ATP8A2: variants seen among roughly 807,000 people sequenced by gnomAD.
ATP8A2 encodes ATPase phospholipid transporting 8A2, also known as phospholipid-transporting ATPase IB.
ATP8A2 carries 100 observed loss-of-function variants against 165.6 expected under a neutral mutation model. The ratio of observed to expected loss-of-function variants is 0.60; its 90% confidence interval spans 0.51 to 0.71. The LOEUF (loss-of-function observed/expected upper bound fraction) is 0.71. Ranked by LOEUF, ATP8A2 falls within the 30% of genes least tolerant of loss-of-function variation. The pLI is 0.00. For synonymous variants in ATP8A2, 543 were observed against 548.8 expected (o/e 0.99, Z 0.15); for missense variants, 1,227 against 1,479.5 (o/e 0.83, Z 2.80).
chr13:25,984,349 A>T (rs1956230807), intron 35 of ATP8A2, among the ~76,000 whole-genome samples: 1 of 152,146 alleles, frequency 6.6e-6, no homozygotes, highest in Non-Finnish European at 1.5e-5. Context: ...CATGCCTGTA[A>T]TTCCAGCACT....
intron 33 of ATP8A2, among the ~76,000 whole-genome samples, chr13:25,930,814 A>G (rs1954751811): frequency 6.6e-6 from 1 of 152,098 alleles, no homozygotes; most frequent in African/African-American, 2.4e-5. Flanking sequence ...CCCAGCTGCC[A>G]TGCATGGGCC....
chr13:25,529,385 A>C (rs925446088), intron 2 of ATP8A2, among the ~76,000 whole-genome samples: 1 of 152,228 alleles, frequency 6.6e-6, no homozygotes, highest in Non-Finnish European at 1.5e-5. Flanking sequence ...TAAAATACTA[A>C]GCAAAGCATT....
At chr13:25,474,102 A>G (rs1351830286) in intron 2 of ATP8A2, among the ~76,000 whole-genome samples, 1 of 152,222 alleles carries the variant, frequency 6.6e-6, no homozygotes, top group East Asian at 1.9e-4. Context: ...TGACTCATTC[A>G]TTTCAGGTGG....
At chr13:25,838,805 T>A (rs2138656209) in intron 29 of ATP8A2, among the ~76,000 whole-genome samples, 1 of 152,266 alleles carries the variant, frequency 6.6e-6, no homozygotes, top group East Asian at 1.9e-4. Flanking sequence ...ATAGCTCTGG[T>A]CTACAGCTCC....
At chr13:25,393,958 T>C (rs2033335627) in intron 1 of ATP8A2, among the ~76,000 whole-genome samples, 1 of 152,218 alleles carries the variant, frequency 6.6e-6, no homozygotes, top group African/African-American at 2.4e-5. Context: ...CAAGACTCAG[T>C]GTAGTAACCT....
At chr13:25,718,690 G>A (rs902159022) in intron 25 of ATP8A2, among the ~76,000 whole-genome samples, 1 of 152,246 alleles carries the variant, frequency 6.6e-6, no homozygotes, top group South Asian at 2.1e-4. Flanking sequence ...GTGAATCACA[G>A]AAAGGAAATT....
rs554989199 is a variant in ATP8A2, at chr13:25,896,137, T to G, written c.3183+33729T>G. Among the ~76,000 whole-genome samples the G allele has an allele frequency of 1.3e-4, 20 of 152,374 alleles. 1 individual carries two copies. The South Asian group carries it at 3.7e-3, about 28-fold the overall frequency. On this transcript the variant is annotated intron_variant, in intron 33 of 36. Coordinates refer to ENST00000381655, the MANE Select transcript of ATP8A2 (RefSeq NM_016529.6). Reference sequence around the variant, plus strand: ...TAATTGTAATGTTAGGGTGTCAATTTTAGATCTTTCCTGCTTTCTCTTGTG... The same window carrying G: ...TAATTGTAATGTTAGGGTGTCAATTGTAGATCTTTCCTGCTTTCTCTTGTG...
Position 26,014,676 on chromosome 13 carries a change from T to G in ATP8A2, c.3469+2054T>G, listed in dbSNP as rs538346318. Reference sequence around the variant, plus strand: ...AAAAACAAAACTGTCTATGGGACTATTGGGTTGGTTTCAATTAGGAGGATT... The same window carrying G: ...AAAAACAAAACTGTCTATGGGACTAGTGGGTTGGTTTCAATTAGGAGGATT... On this transcript the variant is annotated intron_variant, in intron 36 of 36. Transcript: ENST00000381655. Among the ~76,000 whole-genome samples the G allele has an allele frequency of 5.3e-5, 8 of 152,284 alleles. No homozygotes were observed. In the South Asian group the frequency reaches 1.5e-3, roughly 28 times the overall value.
intron 35 of ATP8A2, among the ~76,000 whole-genome samples, chr13:25,976,215 C>G (rs1003473239): frequency 2.0e-5 from 3 of 152,124 alleles, no homozygotes; most frequent in African/African-American, 7.2e-5. Flanking sequence ...AGGGATGTGC[C>G]GCCATGCTGA....
chr13:25,962,472 A>G (rs1014692612), intron 34 of ATP8A2, among the ~76,000 whole-genome samples: 7 of 152,382 alleles, frequency 4.6e-5, no homozygotes, highest in Admixed American at 3.9e-4. Flanking sequence ...ATTGTTTTCA[A>G]GATACCTTGT....
intron 24 of ATP8A2, among the ~76,000 whole-genome samples, chr13:25,604,929 G>A (rs2040478246): frequency 6.6e-6 from 1 of 152,192 alleles, no homozygotes; most frequent in Admixed American, 6.5e-5. Context: ...AGAGAGACAG[G>A]CATGCATCAT....
chr13:25,579,346 G>A (rs1212499795), intron 21 of ATP8A2, among the ~76,000 whole-genome samples: 1 of 152,238 alleles, frequency 6.6e-6, no homozygotes, highest in Non-Finnish European at 1.5e-5. Flanking sequence ...ACACTCAAGT[G>A]CTAACTGCTG....
In ATP8A2 at chr13:25,860,184, T is replaced by C; in HGVS notation, c.2957-11T>C. On this transcript the variant is annotated splice_polypyrimidine_tract_variant and intron_variant, in intron 30 of 36. Coordinates refer to ENST00000381655, the MANE Select transcript of ATP8A2 (RefSeq NM_016529.6). Reference sequence around the variant, plus strand: ...TTCTTGGATGTTAATAGTAACTTCTTTGTTTTTCAGATACTGTGTTGACAA... The same window carrying C: ...TTCTTGGATGTTAATAGTAACTTCTCTGTTTTTCAGATACTGTGTTGACAA... 1 of 1,603,934 alleles carries C rather than the reference T, an allele frequency of 6.2e-7. No individual in the cohort carries two copies. The highest frequency in any genetic ancestry group is 1.7e-4 in the Middle Eastern group (1 of 6,032).
At chr13:25,454,314 TG>T (rs2035305719) in intron 1 of ATP8A2, among the ~76,000 whole-genome samples, 1 of 152,160 alleles carries the variant, frequency 6.6e-6, no homozygotes, top group Non-Finnish European at 1.5e-5. Flanking sequence ...AACTAGAAAC[TG>T]TCTTTTCATG....
chr13:25,664,474 G>A (rs769397906), intron 24 of ATP8A2, among the ~76,000 whole-genome samples: 4 of 152,146 alleles, frequency 2.6e-5, no homozygotes, highest in Admixed American at 2.0e-4. Context: ...GGAGATGCCC[G>A]TTTGTAGGTC....
rs142664557 is a variant in ATP8A2, at chr13:25,762,871, T to A, written c.2385-6175T>A. 3.0e-3 allele frequency among the ~76,000 whole-genome samples: 464 copies of A among 152,354 alleles called. 2 individuals carry two copies. Among genetic ancestry groups the A allele is most frequent in the Admixed American group, 6.6e-3 (101 of 15,298 alleles). ...GAAATGTACTGATTAAATAATTTTT[T>A]AAAAAGTGAATTCTTAAAACTTTTA... On this transcript the variant is annotated intron_variant, in intron 25 of 36. Transcript: ENST00000381655.
chr13:25,895,019 C>G (rs1822775130), intron 33 of ATP8A2, among the ~76,000 whole-genome samples: 1 of 152,126 alleles, frequency 6.6e-6, no homozygotes, highest in Non-Finnish European at 1.5e-5. Flanking sequence ...AATTGAATGC[C>G]CTTTATTCCC....
chr13:25,372,307 G>A lies in ATP8A2; in HGVS notation c.76+19G>A. On this transcript the variant is annotated intron_variant, in intron 1 of 36. Coordinates refer to ENST00000381655, the MANE Select transcript of ATP8A2 (RefSeq NM_016529.6). This position sits in a 1 kb window ranked among gnomAD's most constrained non-coding sequence, Gnocchi z 4.8. ...TCCGTGGGTGAGCTGGGAGGGGCGC[G>A]GCGAGGGAGGGTGGGCCCGGGGCGG... is the stretch of plus-strand genomic sequence containing the variant. 6.9e-7 allele frequency: 1 copy of A among 1,458,394 alleles called. No individual in the cohort carries two copies. Among genetic ancestry groups the A allele is most frequent in the South Asian group, 1.3e-5 (1 of 76,206 alleles). 90.3% of individuals were successfully genotyped at this position (1,458,394 alleles called of 1,614,324 possible).
intron 1 of ATP8A2, among the ~76,000 whole-genome samples, chr13:25,373,666 C>T (rs555564378): frequency 6.6e-6 from 1 of 152,108 alleles, no homozygotes; most frequent in African/African-American, 2.4e-5. Context: ...TCTGAGACAC[C>T]GGAAGAATGC....
Sources: gnomAD v4.1 joint callset for allele counts (sites outside exome capture counted in the v4.1 genomes callset) on GRCh38, gnomAD v4.1.1 for gene constraint, Gnocchi (gnomAD v3.1) non-coding constraint, MANE v1.5 for transcripts, NCBI Gene and HGNC (gene_info 2026-07-23, HGNC 2026-07-21) for gene names.